Variants in LYRM1 observed in about 807,000 individuals in gnomAD.
The protein encoded by LYRM1 is LYR motif containing 1.
A neutral mutation model predicts 14.9 loss-of-function variants in LYRM1; 14 were observed. That is an observed-to-expected ratio of 0.94 (90% CI 0.62 to 1.47). The LOEUF is 1.47. Among genes scored for constraint, LYRM1 ranks in the 40% most tolerant of loss-of-function variants. The probability of loss-of-function intolerance (pLI) is 0.00; values close to 1 mark genes in which losing one functional copy is unlikely to be tolerated. For synonymous variants in LYRM1, 43 were observed against 56.2 expected (o/e 0.77, Z 1.05); for missense variants, 153 against 149.9 (o/e 1.02, Z -0.11).
chr16:20,915,546 G>A lies in LYRM1; in HGVS notation c.1-10G>A. 6.2e-7 allele frequency: 1 copy of A among 1,610,738 alleles called. No individual in the cohort carries two copies. Among genetic ancestry groups the A allele is most frequent in the Non-Finnish European group, 8.5e-7 (1 of 1,177,954 alleles). On this transcript the variant is annotated splice_polypyrimidine_tract_variant and intron_variant, in intron 1 of 3. Transcript: ENST00000567954. ...CAAATTTTCCCTCTTCTATTTTGGT[G>A]GGTCTGAAGATGACAACGGCAACAC... is the stretch of plus-strand genomic sequence containing the variant.
rs1424980890 is a variant in LYRM1, at chr16:20,901,769, TG to T, written c.-1+882del. Among the ~76,000 whole-genome samples the T allele has an allele frequency of 6.6e-6, 1 of 152,028 alleles. No homozygotes were observed. The highest frequency in any genetic ancestry group is 1.9e-4 in the East Asian group (1 of 5,178). On this transcript the variant is annotated intron_variant, in intron 1 of 3. Transcript: ENST00000567954. The surrounding 1 kb of genome is among the most constrained non-coding windows in gnomAD (Gnocchi z 4.6). The stretch of plus-strand genomic sequence containing the variant: ...GCTCTGCCTGCTGGATAGAGAAGGG[TG>T]GAAGTAGTTAGACCTGTTAGGAGAC...
rs1422905685 is a variant in LYRM1 at position 20,918,945 on chromosome 16, C to T, written c.160-1177C>T. Among the ~76,000 whole-genome samples, 4 of 137,324 alleles carry T rather than the reference C, an allele frequency of 2.9e-5. No individual in the cohort carries two copies. In the East Asian group the frequency reaches 7.0e-4, roughly 24 times the overall value. The allele number at this position is 137,324 out of a possible 152,430, so 90.1% of individuals were successfully genotyped here. On this transcript the variant is annotated intron_variant, in intron 2 of 3. Coordinates refer to ENST00000567954, the MANE Select transcript of LYRM1 (RefSeq NM_001128302.3). Reference sequence around the variant, plus strand: ...TCCAAGAGGTACCATAGGACAGGAACGCCCTTGAAATTTCCAAGCCACATG... The same window carrying T: ...TCCAAGAGGTACCATAGGACAGGAATGCCCTTGAAATTTCCAAGCCACATG...
rs369438034 is a variant in LYRM1 at position 20,914,973 on chromosome 16, A to G, written c.1-583A>G. Among the ~76,000 whole-genome samples the G allele has an allele frequency of 6.6e-4, 101 of 152,334 alleles. 1 individual carries two copies. The highest frequency in any genetic ancestry group is 1.2e-3 in the Non-Finnish European group (79 of 68,028). ...TAATTTTACTGGACTGGCTTAAAGA[A>G]TAATAAGTGTGAGCTTTGGTTTTGC... On this transcript the variant is annotated intron_variant, in intron 1 of 3. Transcript: ENST00000567954.
chr16:20,903,607 G>A (rs994515762), intron 1 of LYRM1, among the ~76,000 whole-genome samples: 2 of 152,182 alleles, frequency 1.3e-5, no homozygotes, highest in Admixed American at 6.5e-5. Context: ...GGAGGAACTC[G>A]AGGGTACTAT....
chr16:20,905,018 G>A (rs1412966726), intron 1 of LYRM1, among the ~76,000 whole-genome samples: 4 of 152,120 alleles, frequency 2.6e-5, no homozygotes, highest in Non-Finnish European at 4.4e-5. Flanking sequence ...TCATACCAAA[G>A]AACAATAGTC....
chr16:20,904,913 G>C (rs899896762), intron 1 of LYRM1, among the ~76,000 whole-genome samples: 1 of 152,104 alleles, frequency 6.6e-6, no homozygotes, highest in Non-Finnish European at 1.5e-5. Context: ...GGGAAGCCTG[G>C]TCATGCCTTT....
At chr16:20,910,100 G>T (rs891537716) in intron 1 of LYRM1, among the ~76,000 whole-genome samples, 1 of 152,222 alleles carries the variant, frequency 6.6e-6, no homozygotes, top group African/African-American at 2.4e-5. Flanking sequence ...GATAGGGTTG[G>T]TCAGGTAAAA....
At chr16:20,906,941 G>A (rs1347167782) in intron 1 of LYRM1, among the ~76,000 whole-genome samples, 5 of 152,050 alleles carry the variant, frequency 3.3e-5, no homozygotes, top group Non-Finnish European at 5.9e-5. Flanking sequence ...AGAGTGGGTG[G>A]GTGTTTGGTG....
intron 1 of LYRM1, among the ~76,000 whole-genome samples, chr16:20,906,052 A>T (rs1440977102): frequency 1.3e-5 from 2 of 152,234 alleles, no homozygotes; most frequent in African/African-American, 4.8e-5. Flanking sequence ...CATGTAATGT[A>T]CAAGACAGTC....
chr16:20,920,147 A>G lies in LYRM1; in HGVS notation c.185A>G (p.Gln62Arg), dbSNP rs775437390. ...KNLTDTDLIK[Q>R]CIDECTARIE... ...CTCACGGACACAGACCTAATTAAAC[A>G]GTGTATAGATGAATGCACAGCCAGG... Residue 62 changes from glutamine (Q) to arginine (R), a missense_variant, in exon 3 of 4, where the codon CAG (glutamine) becomes CGG (arginine). Transcript: ENST00000567954. The G allele has an allele frequency of 1.2e-6, 2 of 1,613,234 alleles. No individual in the cohort carries two copies. Among genetic ancestry groups the G allele is most frequent in the African/African-American group, 2.7e-5 (2 of 74,886 alleles).
At chr16:20,908,150 G>A (rs998041604) in intron 1 of LYRM1, among the ~76,000 whole-genome samples, 6 of 152,328 alleles carry the variant, frequency 3.9e-5, no homozygotes, top group Admixed American at 2.0e-4. Flanking sequence ...ACGGGGAATG[G>A]AAGAGCAAAG....
In LYRM1 at chr16:20,904,691, T is replaced by TTTGTGTGTGTGTG. The variant is rs148224628; in HGVS notation, c.-1+3803_-1+3804insTGTGTGTGTGTGT. On this transcript the variant is annotated intron_variant, in intron 1 of 3. Transcript: ENST00000567954. The stretch of plus-strand genomic sequence containing the variant: ...TCTGAAACAGGAAATAAGTCTGTGG[T>TTTGTGTGTGTGTG]TGTGTGTGTGTGTGTGTGTGTGTGT... Among the ~76,000 whole-genome samples the TTTGTGTGTGTGTG allele has an allele frequency of 1.0e-3, 146 of 141,144 alleles. 1 individual carries two copies. The highest frequency in any genetic ancestry group is 3.6e-3 in the African/African-American group (136 of 37,364). The allele number at this position is 141,144 out of a possible 152,430, so 92.6% of individuals were successfully genotyped here.
chr16:20,907,442 C>G (rs2082379334), intron 1 of LYRM1, among the ~76,000 whole-genome samples: 4 of 152,068 alleles, frequency 2.6e-5, no homozygotes, highest in Admixed American at 6.6e-5. Context: ...CTCACTGCAG[C>G]CTTTATCACC....
rs2083372120 is a variant in LYRM1, at chr16:20,924,775, G to C, written c.*659G>C. ...CTCACTTTAAACTCATACTACATTC[G>C]TTACGAGTATTTTACGTTAACATAA... is the stretch of plus-strand genomic sequence containing the variant. On this transcript the variant is annotated 3_prime_UTR_variant, in exon 4 of 4. Transcript: ENST00000567954. The C allele has an allele frequency of 6.6e-6, 1 of 152,098 alleles. No individual in the cohort carries two copies. The highest frequency in any genetic ancestry group is 1.9e-4 in the East Asian group (1 of 5,198). 9.4% of individuals were successfully genotyped at this position (152,098 alleles called of 1,614,324 possible).
chr16:20,914,299 T>C (rs1322130748), intron 1 of LYRM1, among the ~76,000 whole-genome samples: 2 of 85,684 alleles, frequency 2.3e-5, no homozygotes, highest in African/African-American at 4.0e-5. Context: ...TTTTTTTTTT[T>C]CTTTTTGGAG....
intron 1 of LYRM1, among the ~76,000 whole-genome samples, chr16:20,912,590 T>A (rs993297143): frequency 7.2e-5 from 11 of 152,194 alleles, no homozygotes; most frequent in East Asian, 1.9e-4. Flanking sequence ...TAATTTTTTT[T>A]AAAAAGGAAA....
At chr16:20,902,700 T>A (rs2082124654) in intron 1 of LYRM1, 1 of 152,228 alleles carries the variant, frequency 6.6e-6, no homozygotes, top group African/African-American at 2.4e-5. Flanking sequence ...CTGTCAGTGC[T>A]TTTGGACTTG....
chr16:20,910,692 C>T (rs1482159643), intron 1 of LYRM1, among the ~76,000 whole-genome samples: 1 of 151,974 alleles, frequency 6.6e-6, no homozygotes, highest in African/African-American at 2.4e-5. Context: ...GAGGCTCACT[C>T]GAGCCTGGGA....
Position 20,902,946 on chromosome 16 carries a change from C to T in LYRM1, c.-1+2057C>T, listed in dbSNP as rs577507209. On this transcript the variant is annotated intron_variant, in intron 1 of 3. Transcript: ENST00000567954. Reference sequence around the variant, plus strand: ...TTTTGTCCCTGCCACTGCTGCCAAGCCCACCACAATTACGATCAGTTCCAC... The same window carrying T: ...TTTTGTCCCTGCCACTGCTGCCAAGTCCACCACAATTACGATCAGTTCCAC... Among the ~76,000 whole-genome samples the T allele has an allele frequency of 2.6e-5, 4 of 152,232 alleles. No individual in the cohort carries two copies. The East Asian group carries it at 7.7e-4, about 29-fold the overall frequency.
Sources: gnomAD v4.1 joint callset for allele counts (sites outside exome capture counted in the v4.1 genomes callset) on GRCh38, gnomAD v4.1.1 for gene constraint, Gnocchi (gnomAD v3.1) non-coding constraint, MANE v1.5 for transcripts, NCBI Gene and HGNC (gene_info 2026-07-23, HGNC 2026-07-21) for gene names.